ATR: variants seen among roughly 807,000 people sequenced by gnomAD.
ATR encodes ATR checkpoint kinase, also known as serine/threonine-protein kinase ATR.
ATR carries 142 observed loss-of-function variants against 305.3 expected under a neutral mutation model. The observed-to-expected ratio is 0.47, with a 90% CI of 0.41 to 0.53. ATR has a LOEUF of 0.53. Among genes scored for constraint, ATR ranks in the 20% least tolerant of loss-of-function variants. ATR has a pLI of 0.00. For missense variants in ATR, 2,135 were observed against 3,133.1 expected (o/e 0.68, Z 7.60); for synonymous variants, 1,050 against 1,068.1 (o/e 0.98, Z 0.33).
At chr3:142,490,910 AT>A (rs1273466061) in intron 35 of ATR, among the ~76,000 whole-genome samples, 2 of 151,878 alleles carry the variant, frequency 1.3e-5, no homozygotes, top group African/African-American at 4.8e-5. Context: ...ACTTTCCTAT[AT>A]TTTTTTCCTA....
chr3:142,506,222 T>C (rs2032228320), intron 28 of ATR, among the ~76,000 whole-genome samples: 1 of 152,194 alleles, frequency 6.6e-6, no homozygotes, highest in Non-Finnish European at 1.5e-5. Context: ...AGAGATGGGA[T>C]GTATCTAAAG....
chr3:142,567,932 T>C (rs2035127447), intron 2 of ATR, 131 bp downstream of exon 2: 2 of 732,290 alleles, frequency 2.7e-6, no homozygotes, highest in African/African-American at 1.8e-5. Context: ...AACAAATAAC[T>C]TGCTTGAAAA....
intron 42 of ATR, among the ~76,000 whole-genome samples, chr3:142,461,180 T>C (rs1381179967): frequency 1.3e-5 from 2 of 152,152 alleles, no homozygotes; most frequent in African/African-American, 4.8e-5. Flanking sequence ...GTTAAGTATC[T>C]GATAGGGAGA....
chr3:142,507,896 T>C, intron 28 of ATR, 35 bp downstream of exon 28: 1 of 1,534,112 alleles, frequency 6.5e-7, no homozygotes, highest in Non-Finnish European at 9.0e-7. Context: ...GCCACATTAA[T>C]TTTCATTATT....
intron 46 of ATR, chr3:142,451,507 A>T (rs908296113): frequency 6.8e-5 from 98 of 1,436,256 alleles, no homozygotes; most frequent in Non-Finnish European, 8.0e-5. Flanking sequence ...GACTGGACCC[A>T]TAGAAACAGA....
rs777178777 is a variant in ATR at position 142,536,067 on chromosome 3, G to A, written c.3819+41C>T. On this transcript the variant is annotated intron_variant, in intron 20 of 46. Transcript: ENST00000350721. ...TGTATTGGAACTTGGGAACAATTCT[G>A]TATTAATGATCTCCTAAACCACAAA... 2.5e-5 allele frequency: 33 copies of A among 1,329,544 alleles called. 1 individual carries two copies. In the Middle Eastern group the frequency reaches 3.5e-3, roughly 139 times the overall value. 82.4% of individuals were successfully genotyped at this position (1,329,544 alleles called of 1,614,324 possible).
At chr3:142,451,813 C>CT in intron 46 of ATR, 2 of 1,272,858 alleles carry the variant, frequency 1.6e-6, no homozygotes, top group Non-Finnish European at 1.0e-6. Context: ...ATGTATATAG[C>CT]TTGAGTGTGA....
intron 46 of ATR, chr3:142,451,551 A>C (rs1369362974): frequency 1.2e-5 from 16 of 1,343,904 alleles, no homozygotes; most frequent in Non-Finnish European, 1.6e-5. Flanking sequence ...CAGAGTGGGC[A>C]CTTGTCTGTA....
At chr3:142,520,236 T>G (rs890980062) in intron 23 of ATR, among the ~76,000 whole-genome samples, 1 of 152,090 alleles carries the variant, frequency 6.6e-6, no homozygotes, top group Non-Finnish European at 1.5e-5. Context: ...TCCCCCTCAC[T>G]CTCTTTGGGA....
intron 46 of ATR, chr3:142,451,941 A>C (rs1289317758): frequency 2.5e-6 from 3 of 1,218,430 alleles, no homozygotes; most frequent in Non-Finnish European, 3.1e-6. Context: ...GTACAAGCCA[A>C]GTATATCTAT....
chr3:142,476,056 C>T (rs1396118010), intron 36 of ATR, among the ~76,000 whole-genome samples: 1 of 152,154 alleles, frequency 6.6e-6, no homozygotes, highest in Non-Finnish European at 1.5e-5. Flanking sequence ...CCTGTTCACT[C>T]TGATGGTAGT....
chr3:142,459,324 A>C lies in ATR; in HGVS notation c.7252T>G (p.Ser2418Ala). The change falls in exon 43 of 47, where the codon TCT (serine) becomes GCT (alanine). Residue 2418 changes from serine to alanine, a missense_variant. This residue lies in a region of ATR where 462 missense variants were observed against 887.6 expected (regional missense o/e 0.52). Coordinates refer to ENST00000350721, the MANE Select transcript of ATR (RefSeq NM_001184.4). ...TCTCGGAATACTTTGAGTTTTTCAG[A>C]TAAAGCTGCTGACTTTGGTAGCATA... ...QCMLPKSAAL[S>A]EKLKVFREFL... 1 of 1,614,036 alleles carries C rather than the reference A, an allele frequency of 6.2e-7. No homozygotes were observed. Among genetic ancestry groups the C allele is most frequent in the South Asian group, 1.1e-5 (1 of 91,084 alleles).
intron 45 of ATR, 78 bp downstream of exon 45, chr3:142,457,526 A>G: frequency 1.3e-6 from 2 of 1,576,604 alleles, no homozygotes; most frequent in South Asian, 1.1e-5. Context: ...TGGTTTCTAC[A>G]TAAAAACAAA....
intron 28 of ATR, among the ~76,000 whole-genome samples, chr3:142,505,962 A>G (rs2032212975): frequency 6.6e-6 from 1 of 152,226 alleles, no homozygotes; most frequent in South Asian, 2.1e-4. Context: ...GCCATGGGAG[A>G]AAAGCAAATG....
intron 8 of ATR, among the ~76,000 whole-genome samples, chr3:142,557,697 A>G (rs1053947922): frequency 1.3e-5 from 2 of 152,180 alleles, no homozygotes; most frequent in African/African-American, 2.4e-5. Flanking sequence ...CAGGGGTGCA[A>G]TCTTGGCTCA....
chr3:142,521,134 T>G (rs1254007720), intron 23 of ATR, among the ~76,000 whole-genome samples: 4 of 152,022 alleles, frequency 2.6e-5, no homozygotes, highest in African/African-American at 9.7e-5. Flanking sequence ...TAAAAAAAAT[T>G]TAAAAATAAA....
intron 27 of ATR, among the ~76,000 whole-genome samples, chr3:142,509,896 G>A (rs1029095088): frequency 3.3e-5 from 5 of 152,022 alleles, no homozygotes; most frequent in African/African-American, 1.2e-4. Context: ...CAGGTGGATC[G>A]CCTGAGCGCA....
At chr3:142,535,233 C>T in intron 20 of ATR, 28 bp from the exon 21 acceptor site, 1 of 1,611,718 alleles carries the variant, frequency 6.2e-7, no homozygotes, top group Admixed American at 1.7e-5. Flanking sequence ...AGAGACAGAA[C>T]TTATTAATCA....
chr3:142,473,441 C>T (rs959244950), intron 36 of ATR, among the ~76,000 whole-genome samples: 1 of 152,050 alleles, frequency 6.6e-6, no homozygotes, highest in Non-Finnish European at 1.5e-5. Context: ...GGTCTCTGTT[C>T]CACTGGTCTA....
Sources: gnomAD v4.1 joint callset for allele counts (sites outside exome capture counted in the v4.1 genomes callset) on GRCh38, gnomAD v4.1.1 for gene constraint, gnomAD v4.1.1 regional missense constraint, MANE v1.5 for transcripts, NCBI Gene and HGNC (gene_info 2026-07-23, HGNC 2026-07-21) for gene names.